Variants in PHF19 observed in about 807,000 individuals in gnomAD.
The protein encoded by PHF19 is polycomb like 3.
A neutral mutation model predicts 79.8 loss-of-function variants in PHF19; 21 were observed. The observed-to-expected ratio is 0.26, with a 90% confidence interval of 0.19 to 0.38. PHF19 has a LOEUF of 0.38. PHF19 is among the 10% of genes least tolerant of loss of function. The pLI, the probability that PHF19 is intolerant of heterozygous loss-of-function variation, is 1.00. For synonymous variants in PHF19, 273 were observed against 296.3 expected, an observed-to-expected ratio of 0.92 and a Z score of 0.81; for missense variants, 445 against 744.2, an observed-to-expected ratio of 0.60 and a Z score of 4.68.
rs779343826 is a variant in PHF19, at chr9:120,861,906, C to G, written c.1218+12G>C. 1 of 1,579,706 alleles carries G rather than the reference C, an allele frequency of 6.3e-7. No homozygotes were observed. Among genetic ancestry groups the G allele is most frequent in the Non-Finnish European group, 8.7e-7 (1 of 1,148,704 alleles). Reference sequence around the variant, plus strand: ...CGTATGAAAATGGAGAGTAAGAAAACAAGGAACTAACACTGGGAATAGCAT... The same window carrying G: ...CGTATGAAAATGGAGAGTAAGAAAAGAAGGAACTAACACTGGGAATAGCAT... On this transcript the variant is annotated intron_variant, in intron 12 of 14. Transcript: ENST00000373896.
intron 1 of PHF19, among the ~76,000 whole-genome samples, chr9:120,893,887 G>A (rs2131602187): frequency 6.6e-6 from 1 of 152,322 alleles, no homozygotes; most frequent in East Asian, 1.9e-4. Flanking sequence ...CTGTTGCATA[G>A]GGCAGTGGTT....
At chr9:120,902,167 C>T in the PHF19 span, among the ~76,000 whole-genome samples, 9 of 152,176 alleles carry the variant, frequency 5.9e-5, no homozygotes, top group Non-Finnish European at 1.0e-4. Flanking sequence ...AGCATCCTCA[C>T]CCTGTACATT....
chr9:120,901,024 C>T, the PHF19 span, among the ~76,000 whole-genome samples: 1 of 152,220 alleles, frequency 6.6e-6, no homozygotes, highest in African/African-American at 2.4e-5. Context: ...TGACTGCTTG[C>T]CCTGCCCTCC....
chr9:120,859,174 C>T (rs1338776157), intron 14 of PHF19, among the ~76,000 whole-genome samples: 1 of 150,034 alleles, frequency 6.7e-6, no homozygotes, highest in East Asian at 1.9e-4. Context: ...GACACCTAGA[C>T]AGATGTCAAG....
At position 120,862,125 on chromosome 9, in the gene PHF19, A is replaced by G; in HGVS notation, c.1131-120T>C. ...AGTTGGGGAGACAGGCTCTGAACAC[A>G]GCTGCACCTTCACAGGGAGGCCTGG... is the stretch of plus-strand genomic sequence containing the variant. On this transcript the variant is annotated intron_variant, in intron 11 of 14. Coordinates refer to ENST00000373896, the MANE Select transcript of PHF19 (RefSeq NM_015651.3). The surrounding 1 kb of genome is among the most constrained non-coding windows in gnomAD (Gnocchi z 4.6). 1 of 759,364 alleles carries G rather than the reference A, an allele frequency of 1.3e-6. No homozygotes were observed. Among genetic ancestry groups the G allele is most frequent in the South Asian group, 1.4e-5 (1 of 72,480 alleles). 47.0% of individuals were successfully genotyped at this position (759,364 alleles called of 1,614,324 possible). A position where few individuals can be genotyped will look rare whatever the true frequency, so the allele number is the denominator to read the frequency against.
chr9:120,882,775 T>G (rs2046205033), intron 1 of PHF19, among the ~76,000 whole-genome samples: 1 of 145,598 alleles, frequency 6.9e-6, no homozygotes, highest in Admixed American at 7.1e-5. Context: ...CCAGAAGGCG[T>G]AGGTTGCAGT....
In PHF19 at chr9:120,877,121, G is replaced by A; in HGVS notation, c.-46C>T. The A allele has an allele frequency of 1.0e-6, 1 of 985,214 alleles. No homozygotes were observed. Among genetic ancestry groups the A allele is most frequent in the Non-Finnish European group, 1.2e-6 (1 of 829,876 alleles). 61.0% of individuals were successfully genotyped at this position (985,214 alleles called of 1,614,324 possible). On this transcript the variant is annotated 5_prime_UTR_variant, in exon 1 of 15. It introduces an in-frame stop codon into an upstream open reading frame of the 5' UTR. Transcript: ENST00000373896. ...GGCTGCGTGTCCGCCGGTCCCACTT[G>A]GAGTCTGGCCACCAGGCGCATCGGT...
At chr9:120,886,167 G>A (rs1018257195) in intron 1 of PHF19, among the ~76,000 whole-genome samples, 2 of 152,222 alleles carry the variant, frequency 1.3e-5, no homozygotes, top group African/African-American at 4.8e-5. Flanking sequence ...GGAGCTGCAC[G>A]GAGAGAGCCC....
intron 1 of PHF19, among the ~76,000 whole-genome samples, chr9:120,886,128 C>T (rs1402558015): frequency 6.6e-6 from 1 of 152,208 alleles, no homozygotes; most frequent in African/African-American, 2.4e-5. Context: ...AGATGCCTCC[C>T]CCTGCAGAGG....
At chr9:120,893,208 G>A (rs565034715) in intron 1 of PHF19, among the ~76,000 whole-genome samples, 5 of 152,324 alleles carry the variant, frequency 3.3e-5, no homozygotes, top group African/African-American at 9.6e-5. Context: ...AGGCAGTAAT[G>A]TGTGCAACAT....
In PHF19 at chr9:120,866,713, C is replaced by T. The variant is rs935018524; in HGVS notation, c.710+157G>A. ...TCCTGGCCCTGCATAGCTAGGGGAT[C>T]CCCTACCTTGAGCTGCCTCCAGTAA... On this transcript the variant is annotated intron_variant, in intron 7 of 14. Transcript: ENST00000373896. This position sits in a 1 kb window ranked among gnomAD's most constrained non-coding sequence, Gnocchi z 5.2. 2.6e-5 allele frequency among the ~76,000 whole-genome samples: 4 copies of T among 152,244 alleles called. No homozygotes were observed. The highest frequency in any genetic ancestry group is 9.6e-5 in the African/African-American group (4 of 41,462).
At chr9:120,871,333 T>C (rs572280661) in intron 3 of PHF19, among the ~76,000 whole-genome samples, 94 of 152,352 alleles carry the variant, frequency 6.2e-4, no homozygotes, top group Non-Finnish European at 1.2e-3. Flanking sequence ...CAATAGTTTT[T>C]CCATAAATAT....
chr9:120,864,081 A>C lies in PHF19; in HGVS notation c.936T>G (p.His312Gln). ...TATAACTGTTCAGAGCGTTGAGGAG[A>C]TGTGGTCCTCGATCTGTCACTGGGG... is the stretch of plus-strand genomic sequence containing the variant. ...TSTPVTDRGP[H>Q]LLNALNSYKS... The change falls in exon 10 of 15, where the codon CAT becomes CAG. Residue 312 changes from histidine (H) to glutamine (Q), a missense_variant. Coordinates refer to ENST00000373896, the MANE Select transcript of PHF19 (RefSeq NM_015651.3). The C allele has an allele frequency of 6.2e-7, 1 of 1,613,770 alleles. No individual in the cohort carries two copies. The highest frequency in any genetic ancestry group is 8.5e-7 in the Non-Finnish European group (1 of 1,179,920).
chr9:120,863,942 G>A lies in PHF19; in HGVS notation c.968+107C>T, dbSNP rs988663722. The A allele has an allele frequency of 8.4e-5, 75 of 891,274 alleles. No individual in the cohort carries two copies. The South Asian group carries it at 1.0e-3, about 12-fold the overall frequency. The allele number at this position is 891,274 out of a possible 1,614,324, so 55.2% of individuals were successfully genotyped here. Reference sequence around the variant, plus strand: ...AGAATGGAAATGATTCAGAGAGAAGGGGAGTATCAGAGAGGCAGGGAGCAT... The same window carrying A: ...AGAATGGAAATGATTCAGAGAGAAGAGGAGTATCAGAGAGGCAGGGAGCAT... On this transcript the variant is annotated intron_variant, in intron 10 of 14. Coordinates refer to ENST00000373896, the MANE Select transcript of PHF19 (RefSeq NM_015651.3).
At chr9:120,901,973 A>C in the PHF19 span, among the ~76,000 whole-genome samples, 3 of 152,200 alleles carry the variant, frequency 2.0e-5, no homozygotes, top group Admixed American at 6.5e-5. Flanking sequence ...GGGCCAGAAC[A>C]GGGAGGTCTT....
chr9:120,899,180 CACA>C (rs937455081), upstream of PHF19, among the ~76,000 whole-genome samples: 1 of 146,078 alleles, frequency 6.8e-6, no homozygotes, highest in African/African-American at 2.6e-5. Context: ...GCCTGGGCGA[CACA>C]ACGAGACTCA....
rs1005608315 is a variant in PHF19, at chr9:120,870,019, G to C, written c.365-74C>G. On this transcript the variant is annotated intron_variant, in intron 4 of 14. Coordinates refer to ENST00000373896, the MANE Select transcript of PHF19 (RefSeq NM_015651.3). The surrounding 1 kb of genome is among the most constrained non-coding windows in gnomAD (Gnocchi z 4.4). ...AAGGCCAGTTGGCCCAAAGGAGGCA[G>C]GGCTGGGAGGGCTGAGGGAAGTCCT... 4 of 1,520,610 alleles carry C rather than the reference G, an allele frequency of 2.6e-6. No individual in the cohort carries two copies. The African/African-American group carries it at 4.1e-5, about 16-fold the overall frequency. The allele number at this position is 1,520,610 out of a possible 1,614,324, so 94.2% of individuals were successfully genotyped here.
chr9:120,883,471 C>T (rs1385746408), intron 1 of PHF19, among the ~76,000 whole-genome samples: 2 of 152,296 alleles, frequency 1.3e-5, no homozygotes, highest in African/African-American at 2.4e-5. Flanking sequence ...AGGAAGCTCC[C>T]GGTCCAGCCG....
At chr9:120,871,863 C>T (rs1280530297) in intron 3 of PHF19, among the ~76,000 whole-genome samples, 1 of 151,638 alleles carries the variant, frequency 6.6e-6, no homozygotes, top group East Asian at 1.9e-4. Context: ...TAGGGTGACA[C>T]CCCCTCTCTA....
Sources: allele counts gnomAD v4.1 joint callset (sites outside exome capture counted in the v4.1 genomes callset), GRCh38; gene constraint gnomAD v4.1.1; non-coding constraint Gnocchi (gnomAD v3.1); transcripts MANE v1.5; gene names NCBI Gene and HGNC (gene_info 2026-07-23, HGNC 2026-07-21).